TMEM71: variants seen among roughly 807,000 people sequenced by gnomAD.
TMEM71 encodes transmembrane protein 71.
Under a neutral mutation model 38.0 loss-of-function variants are expected in TMEM71, and 44 were observed. The observed-to-expected ratio is 1.16, with a 90% CI of 0.91 to 1.49. The LOEUF (loss-of-function observed/expected upper bound fraction) is 1.49, where lower values mean the gene tolerates loss of function less well. Among genes scored for constraint, TMEM71 ranks in the 40% most tolerant of loss-of-function variants. The probability of loss-of-function intolerance (pLI) is 0.00; values close to 1 mark genes in which losing one functional copy is unlikely to be tolerated. For synonymous variants in TMEM71, 133 were observed against 122.5 expected (o/e 1.09, Z -0.56); for missense variants, 367 against 348.6 (o/e 1.05, Z -0.42).
At chr8:132,772,006 G>T in the TMEM71 span, among the ~76,000 whole-genome samples, 2 of 152,100 alleles carry the variant, frequency 1.3e-5, no homozygotes, top group Non-Finnish European at 2.9e-5. Context: ...TTTGACAGAG[G>T]CTATCACAGT....
chr8:132,713,847 AT>A (rs1826362974), intron 9 of TMEM71, 147 bp downstream of exon 9: 1 of 711,800 alleles, frequency 1.4e-6, no homozygotes, highest in Non-Finnish European at 2.4e-6. Flanking sequence ...ATACTATTAA[AT>A]TTTAGCAGTA....
At chr8:132,762,140 C>T (rs1333200725), upstream of TMEM71, among the ~76,000 whole-genome samples, 1 of 152,250 alleles carries the variant, frequency 6.6e-6, no homozygotes, top group East Asian at 1.9e-4. Flanking sequence ...TAACACAGGT[C>T]ACTTCCTGAG....
chr8:132,755,240 C>T (rs1349960050), intron 3 of TMEM71, among the ~76,000 whole-genome samples: 2 of 152,150 alleles, frequency 1.3e-5, no homozygotes, highest in Non-Finnish European at 2.9e-5. Flanking sequence ...CTACCTTTAT[C>T]TATCCTCTCT....
At chr8:132,718,699 C>T (rs969725527) in intron 7 of TMEM71, among the ~76,000 whole-genome samples, 26 of 152,296 alleles carry the variant, frequency 1.7e-4, no homozygotes, top group African/African-American at 5.8e-4. Flanking sequence ...GCCCAGCCCC[C>T]CTACCTGGGG....
At chr8:132,733,159 TG>T (rs1308433706) in intron 5 of TMEM71, among the ~76,000 whole-genome samples, 1 of 152,184 alleles carries the variant, frequency 6.6e-6, no homozygotes, top group Non-Finnish European at 1.5e-5. Flanking sequence ...TTTCTGTGTG[TG>T]TGTTTTTTTG....
chr8:132,757,450 G>A (rs1384544160), intron 2 of TMEM71, among the ~76,000 whole-genome samples, 156 bp from the exon 3 acceptor site: 1 of 152,184 alleles, frequency 6.6e-6, no homozygotes, highest in African/African-American at 2.4e-5. Flanking sequence ...GACTCCAGTA[G>A]TGCAGGTACC....
At chr8:132,738,829 G>C (rs2131114490) in intron 5 of TMEM71, among the ~76,000 whole-genome samples, 1 of 149,760 alleles carries the variant, frequency 6.7e-6, no homozygotes, top group South Asian at 2.1e-4. Flanking sequence ...AGCACTTATT[G>C]CATTCTTAAA....
the TMEM71 span, chr8:132,775,565 G>GAGGCCC: frequency 2.8e-6 from 1 of 360,428 alleles, no homozygotes; most frequent in South Asian, 1.3e-4. Flanking sequence ...GGCAGAGGCA[G>GAGGCCC]AGGCCCGGGC....
the TMEM71 span, among the ~76,000 whole-genome samples, chr8:132,770,950 A>G: frequency 6.6e-6 from 1 of 152,208 alleles, no homozygotes; most frequent in African/African-American, 2.4e-5. Context: ...CATCTCCATA[A>G]TGCAGATAAT....
chr8:132,754,406 A>T (rs925026906), intron 3 of TMEM71, among the ~76,000 whole-genome samples: 2 of 152,188 alleles, frequency 1.3e-5, no homozygotes, highest in Non-Finnish European at 2.9e-5. Context: ...TACAAGGTCA[A>T]TATGTAATTA....
chr8:132,729,552 G>A (rs773421111), intron 5 of TMEM71, among the ~76,000 whole-genome samples: 3 of 152,122 alleles, frequency 2.0e-5, no homozygotes, highest in Non-Finnish European at 4.4e-5. Flanking sequence ...CATCTAAAAG[G>A]GACTGCACAT....
chr8:132,771,876 T>A, the TMEM71 span, among the ~76,000 whole-genome samples: 1 of 152,266 alleles, frequency 6.6e-6, no homozygotes, highest in Non-Finnish European at 1.5e-5. Context: ...ATAACTATAA[T>A]TTCTGTTCAG....
intron 5 of TMEM71, among the ~76,000 whole-genome samples, chr8:132,738,907 C>A (rs1245373709): frequency 6.6e-6 from 1 of 151,968 alleles, no homozygotes; most frequent in East Asian, 1.9e-4. Flanking sequence ...TTGGTGGAAT[C>A]TTCATGGCAT....
At chr8:132,775,317 C>T in the TMEM71 span, 1 of 342,680 alleles carries the variant, frequency 2.9e-6, no homozygotes, top group African/African-American at 2.2e-5. Context: ...CCTCGTGAGT[C>T]ACGTGACAAG....
intron 5 of TMEM71, 106 bp downstream of exon 5, chr8:132,746,836 T>C (rs1192999235): frequency 1.3e-5 from 12 of 919,826 alleles, no homozygotes; most frequent in Non-Finnish European, 1.7e-5. Context: ...CATCTCTCCA[T>C]CAAAATGACT....
chr8:132,765,771 T>C, the TMEM71 span, among the ~76,000 whole-genome samples: 1 of 150,716 alleles, frequency 6.6e-6, no homozygotes. Flanking sequence ...TTTATTATTA[T>C]TATTACTATT....
chr8:132,719,033 A>T (rs1318784648), intron 7 of TMEM71, among the ~76,000 whole-genome samples: 3 of 152,222 alleles, frequency 2.0e-5, no homozygotes, highest in African/African-American at 7.2e-5. Flanking sequence ...TAAAACTGTT[A>T]TTCTAAAATG....
chr8:132,741,363 G>C (rs565297456), intron 5 of TMEM71, among the ~76,000 whole-genome samples: 32 of 152,314 alleles, frequency 2.1e-4, no homozygotes, highest in African/African-American at 7.7e-4. Flanking sequence ...GGCGACGAGA[G>C]AGTGTAGAAA....
In TMEM71 at chr8:132,710,430, T is replaced by A. The variant is rs1826178124; in HGVS notation, c.*537A>T. 1 of 160,362 alleles carries A rather than the reference T, an allele frequency of 6.2e-6. No individual in the cohort carries two copies. Among genetic ancestry groups the A allele is most frequent in the African/African-American group, 2.4e-5 (1 of 41,722 alleles). The allele number at this position is 160,362 out of a possible 1,614,324, so 9.9% of individuals were successfully genotyped here. A position where few individuals can be genotyped will look rare whatever the true frequency, so the allele number is the denominator to read the frequency against. ...CATCATCTACGGTTACCACCTAATA[T>A]CAAGTCACTCCACTGAGGTGAATGA... On this transcript the variant is annotated 3_prime_UTR_variant, in exon 10 of 10. Coordinates refer to ENST00000677595, the MANE Select transcript of TMEM71 (RefSeq NM_001382403.1).
Sources: allele counts gnomAD v4.1 joint callset (sites outside exome capture counted in the v4.1 genomes callset), GRCh38; gene constraint gnomAD v4.1.1; transcripts MANE v1.5; gene names NCBI Gene and HGNC (gene_info 2026-07-23, HGNC 2026-07-21).